The following MAML3 variants were observed in gnomAD, a reference collection of about 807,000 sequenced individuals.
MAML3 encodes mastermind like transcriptional coactivator 3, also known as mastermind-like protein 3.
A neutral mutation model predicts 101.9 loss-of-function variants in MAML3; 27 were observed. That is an observed-to-expected ratio of 0.27 (90% CI 0.20 to 0.37). The LOEUF (loss-of-function observed/expected upper bound fraction) is 0.37, where lower values mean the gene tolerates loss of function less well. MAML3 is among the 10% of genes least tolerant of loss of function. MAML3 has a pLI of 1.00. For synonymous variants in MAML3, 501 were observed against 555.9 expected, an observed-to-expected ratio of 0.90 and a Z score of 1.39; for missense variants, 1,316 against 1,444.9, an observed-to-expected ratio of 0.91 and a Z score of 1.45.
intron 1 of MAML3, among the ~76,000 whole-genome samples, chr4:139,962,695 A>G (rs1302536150): frequency 6.6e-6 from 1 of 152,240 alleles, no homozygotes; most frequent in Non-Finnish European, 1.5e-5. Flanking sequence ...TCTAAAATTA[A>G]AACTTTAATT....
chr4:139,936,404 G>A (rs987382719), intron 1 of MAML3, among the ~76,000 whole-genome samples: 9 of 152,064 alleles, frequency 5.9e-5, no homozygotes, highest in African/African-American at 1.7e-4. Flanking sequence ...ATACATATCC[G>A]GAAGCAAAGT....
chr4:140,153,489 G>T lies in MAML3; in HGVS notation c.-162C>A. 1.3e-6 allele frequency: 1 copy of T among 749,830 alleles called. No individual in the cohort carries two copies. The highest frequency in any genetic ancestry group is 2.0e-6 in the Non-Finnish European group (1 of 504,626). The allele number at this position is 749,830 out of a possible 1,614,324, so 46.4% of individuals were successfully genotyped here. On this transcript the variant is annotated 5_prime_UTR_variant, in exon 1 of 5. Transcript: ENST00000509479. ...CCGACGGGGCGAAAAAAACGGGGGG[G>T]GAGATTTTGGGGTGGTTTTTGTTTC...
chr4:139,953,614 G>C (rs936711584), intron 1 of MAML3, among the ~76,000 whole-genome samples: 1 of 152,126 alleles, frequency 6.6e-6, no homozygotes, highest in East Asian at 1.9e-4. Flanking sequence ...GCGAGACTCC[G>C]TCTCATAAAA....
At chr4:139,741,807 C>T (rs889954469) in intron 2 of MAML3, among the ~76,000 whole-genome samples, 1 of 152,198 alleles carries the variant, frequency 6.6e-6, no homozygotes, top group Non-Finnish European at 1.5e-5. Flanking sequence ...AATTAACATT[C>T]TTTATATGTC....
intron 1 of MAML3, among the ~76,000 whole-genome samples, chr4:139,953,463 T>C (rs932894314): frequency 6.6e-6 from 1 of 152,112 alleles, no homozygotes; most frequent in African/African-American, 2.4e-5. Context: ...CCATCTCTAC[T>C]AAAAATACAA....
chr4:139,726,078 C>T (rs1579363454), intron 3 of MAML3, among the ~76,000 whole-genome samples: 1 of 152,206 alleles, frequency 6.6e-6, no homozygotes, highest in Admixed American at 6.5e-5. Flanking sequence ...AGGAGCCCCT[C>T]GTGCCCCTTC....
chr4:140,147,064 C>T (rs1421419726), intron 1 of MAML3, among the ~76,000 whole-genome samples: 1 of 138,188 alleles, frequency 7.2e-6, no homozygotes, highest in African/African-American at 2.7e-5. Flanking sequence ...ACCCAGGAGG[C>T]AGAGCTTGCA....
At chr4:139,792,963 G>A (rs1730444808) in intron 2 of MAML3, among the ~76,000 whole-genome samples, 1 of 151,988 alleles carries the variant, frequency 6.6e-6, no homozygotes. Context: ...AGCCAGGATG[G>A]TCTTGATCTC....
chr4:140,038,974 C>T (rs1389802310), intron 1 of MAML3, among the ~76,000 whole-genome samples: 2 of 151,976 alleles, frequency 1.3e-5, no homozygotes, highest in Non-Finnish European at 2.9e-5. Context: ...AAAAAATTAG[C>T]CAGGTGTGGC....
chr4:140,012,356 TCAA>T (rs1381298591), intron 1 of MAML3, among the ~76,000 whole-genome samples: 1 of 152,168 alleles, frequency 6.6e-6, no homozygotes, highest in Non-Finnish European at 1.5e-5. Flanking sequence ...ACCTGGAAGG[TCAA>T]CGAGACTCAA....
intron 1 of MAML3, among the ~76,000 whole-genome samples, chr4:140,046,367 C>G (rs935531460): frequency 6.6e-6 from 1 of 152,154 alleles, no homozygotes; most frequent in African/African-American, 2.4e-5. Flanking sequence ...TAAACATGAG[C>G]AAGAACTAAA....
intron 2 of MAML3, among the ~76,000 whole-genome samples, chr4:139,858,252 T>G (rs991049959): frequency 6.6e-6 from 1 of 152,246 alleles, no homozygotes; most frequent in African/African-American, 2.4e-5. Context: ...ATTATGCACC[T>G]ACTTTTGATT....
chr4:140,133,226 G>A, intron 1 of MAML3: 1 of 353,894 alleles, frequency 2.8e-6, no homozygotes, highest in South Asian at 2.2e-5. Flanking sequence ...AAATTAGTAT[G>A]TAACTCTTTC....
At chr4:140,077,238 ATCAT>A (rs1160298080) in intron 1 of MAML3, among the ~76,000 whole-genome samples, 1 of 152,196 alleles carries the variant, frequency 6.6e-6, no homozygotes, top group African/African-American at 2.4e-5. Context: ...GCCATAGAGA[ATCAT>A]TCTTGATCTC....
chr4:139,758,393 T>C (rs1040171117), intron 2 of MAML3, among the ~76,000 whole-genome samples: 1 of 152,224 alleles, frequency 6.6e-6, no homozygotes, highest in Non-Finnish European at 1.5e-5. Flanking sequence ...TTTAACTTTT[T>C]TTTGTTAATA....
chr4:139,890,440 G>C lies in MAML3; in HGVS notation c.996C>G (p.Asp332Glu). 1 of 1,610,098 alleles carries C rather than the reference G, an allele frequency of 6.2e-7. No individual in the cohort carries two copies. Among genetic ancestry groups the C allele is most frequent in the Non-Finnish European group, 8.5e-7 (1 of 1,176,754 alleles). Residue 332 changes from aspartate (D) to glutamate (E), a missense_variant, in exon 2 of 5, where the codon GAC becomes GAG. Physicochemically the swap from Asp to Glu is conservative, Grantham distance 45. Transcript: ENST00000509479. This position sits in a 1 kb window ranked among gnomAD's most constrained non-coding sequence, Gnocchi z 4.1. ...EDDIQDLFNEDFEEKKEPEFS... is the reference protein window; with the variant it reads ...EDDIQDLFNEEFEEKKEPEFS... ...ATTCTGGCTCCTTCTTCTCTTCAAA[G>C]TCTTCGTTGAACAGGTCCTGTATGT...
At chr4:139,953,588 C>T (rs1024056818) in intron 1 of MAML3, among the ~76,000 whole-genome samples, 1 of 152,174 alleles carries the variant, frequency 6.6e-6, no homozygotes, top group Non-Finnish European at 1.5e-5. Context: ...CAATGTACTC[C>T]AGCCTGGGTG....
At chr4:139,780,532 T>G (rs774197262) in intron 2 of MAML3, among the ~76,000 whole-genome samples, 3 of 152,200 alleles carry the variant, frequency 2.0e-5, no homozygotes, top group Non-Finnish European at 4.4e-5. Flanking sequence ...TTTCCCCCTT[T>G]TCATTGTTTC....
At chr4:139,759,966 T>A (rs1729720832) in intron 2 of MAML3, among the ~76,000 whole-genome samples, 1 of 152,246 alleles carries the variant, frequency 6.6e-6, no homozygotes, top group African/African-American at 2.4e-5. Flanking sequence ...GTACTGCTGT[T>A]AACTGATTAT....
Sources: allele counts gnomAD v4.1 joint callset (sites outside exome capture counted in the v4.1 genomes callset), GRCh38; gene constraint gnomAD v4.1.1; non-coding constraint Gnocchi (gnomAD v3.1); transcripts MANE v1.5; gene names NCBI Gene and HGNC (gene_info 2026-07-23, HGNC 2026-07-21).